Variants in DCC observed in about 807,000 individuals in gnomAD.
DCC encodes the protein DCC netrin 1 receptor.
In DCC, 58 loss-of-function variants were observed where a neutral mutation model predicts 172.5. That is an observed-to-expected ratio of 0.34 (90% CI 0.27 to 0.42). The LOEUF is 0.42. Ranked by LOEUF, DCC falls within the 10% of genes least tolerant of loss-of-function variation. The pLI is 1.00. For synonymous variants in DCC, 709 were observed against 644.5 expected (o/e 1.10, Z -1.52); for missense variants, 1,740 against 1,791.0 (o/e 0.97, Z 0.51).
intron 1 of DCC, among the ~76,000 whole-genome samples, chr18:52,342,389 G>C (rs1327119000): frequency 1.5e-5 from 2 of 130,196 alleles, no homozygotes; most frequent in East Asian, 5.1e-4. Flanking sequence ...CTCCCGGGCC[G>C]GTCCCCTCCT....
chr18:52,493,423 T>C (rs192301421), intron 1 of DCC, among the ~76,000 whole-genome samples: 36 of 152,212 alleles, frequency 2.4e-4, no homozygotes, highest in Admixed American at 2.2e-3. Context: ...TTCTCTTTTC[T>C]AGATTGGCTT....
chr18:53,242,183 G>A (rs189099762), intron 12 of DCC, among the ~76,000 whole-genome samples: 112 of 152,252 alleles, frequency 7.4e-4, no homozygotes, highest in African/African-American at 2.6e-3. Flanking sequence ...GGAAACTACA[G>A]CAGCTGCAAA....
At chr18:52,352,267 A>G (rs2144247213) in intron 1 of DCC, among the ~76,000 whole-genome samples, 1 of 152,366 alleles carries the variant, frequency 6.6e-6, no homozygotes, top group East Asian at 1.9e-4. Context: ...TTACAAATAG[A>G]AAATTTCACA....
intron 1 of DCC, among the ~76,000 whole-genome samples, chr18:52,639,482 A>G (rs1422267819): frequency 6.6e-6 from 1 of 152,168 alleles, no homozygotes; most frequent in Non-Finnish European, 1.5e-5. Context: ...GAGATATTAC[A>G]ACTGACAGCA....
intron 9 of DCC, among the ~76,000 whole-genome samples, chr18:53,182,677 A>G (rs1340335626): frequency 2.0e-5 from 3 of 152,144 alleles, no homozygotes; most frequent in Middle Eastern, 3.2e-3. Flanking sequence ...CATTTTGGCA[A>G]TTTGAAAGTA....
intron 5 of DCC, among the ~76,000 whole-genome samples, chr18:52,931,635 TAAAAA>T (rs1285138217): frequency 6.6e-6 from 1 of 152,120 alleles, no homozygotes; most frequent in Non-Finnish European, 1.5e-5. Flanking sequence ...TCTTATAAAA[TAAAAA>T]TGGAAAATTC....
At chr18:53,114,200 T>C (rs1236579237) in intron 7 of DCC, among the ~76,000 whole-genome samples, 2 of 151,554 alleles carry the variant, frequency 1.3e-5, no homozygotes, top group African/African-American at 2.4e-5. Flanking sequence ...AGCATTTGTA[T>C]TGAATCCTGG....
Position 52,765,199 on chromosome 18 carries a change from A to ATTTTTTTTTTTT in DCC, c.412+12825_412+12826insTTTTTTTTTTTT, listed in dbSNP as rs369735420. ...CAGGCATGTGCTAGCACTCCTGGCT[A>ATTTTTTTTTTTT]ATTTTTTTTTTTTTTTTTTGTATTT... On this transcript the variant is annotated intron_variant, in intron 2 of 28. Transcript: ENST00000442544. Among the ~76,000 whole-genome samples the ATTTTTTTTTTTT allele has an allele frequency of 3.0e-4, 36 of 120,104 alleles. 2 individuals carry two copies. The highest frequency in any genetic ancestry group is 8.0e-4 in the South Asian group (3 of 3,762). 78.8% of individuals were successfully genotyped at this position (120,104 alleles called of 152,430 possible).
At chr18:53,053,659 T>C (rs2042364230) in intron 5 of DCC, among the ~76,000 whole-genome samples, 1 of 152,174 alleles carries the variant, frequency 6.6e-6, no homozygotes, top group Admixed American at 6.6e-5. Flanking sequence ...GCCACATCTT[T>C]TCCTCTCAAA....
intron 9 of DCC, 64 bp downstream of exon 9, chr18:53,179,180 A>T (rs2055156020): frequency 6.7e-7 from 1 of 1,482,908 alleles, no homozygotes. Context: ...ATATCCTTGA[A>T]TTCTTTCACA....
chr18:53,517,443 T>TAATAATA, intron 27 of DCC, among the ~76,000 whole-genome samples: 1 of 142,502 alleles, frequency 7.0e-6, no homozygotes, highest in East Asian at 2.0e-4. Flanking sequence ...AAACTTAAAA[T>TAATAATA]ATAATAATAA....
At chr18:53,054,254 T>G (rs998380989) in intron 5 of DCC, among the ~76,000 whole-genome samples, 3 of 151,886 alleles carry the variant, frequency 2.0e-5, no homozygotes, top group Admixed American at 1.3e-4. Context: ...AATCCTTGAC[T>G]GTAGAACCCA....
chr18:52,353,078 A>G (rs1984197440), intron 1 of DCC, among the ~76,000 whole-genome samples: 1 of 152,212 alleles, frequency 6.6e-6, no homozygotes, highest in Non-Finnish European at 1.5e-5. Context: ...CTTAGCTTGA[A>G]GCATCTGTTG....
intron 2 of DCC, among the ~76,000 whole-genome samples, chr18:52,866,456 A>T (rs1034432738): frequency 1.6e-4 from 24 of 152,236 alleles, no homozygotes; most frequent in African/African-American, 5.3e-4. Flanking sequence ...TGGGGACAGC[A>T]TTGAATCTAT....
intron 13 of DCC, among the ~76,000 whole-genome samples, chr18:53,312,771 T>G (rs2057290407): frequency 8.0e-6 from 1 of 125,088 alleles, no homozygotes; most frequent in African/African-American, 3.2e-5. Flanking sequence ...ATTGTGCCAC[T>G]GCAGTCCAGC....
chr18:52,474,302 C>T (rs77567232), intron 1 of DCC, among the ~76,000 whole-genome samples: 2,381 of 150,246 alleles, frequency 0.016, 28 homozygotes, highest in Non-Finnish European at 0.023. Flanking sequence ...GAGGGGAAGT[C>T]GGGGGAGTAG....
chr18:53,420,562 C>G (rs987476570), intron 21 of DCC, among the ~76,000 whole-genome samples: 1 of 152,150 alleles, frequency 6.6e-6, no homozygotes, highest in African/African-American at 2.4e-5. Flanking sequence ...TGGTCAGTTT[C>G]TGGTGAGGGT....
chr18:52,925,502 T>C (rs1458938400), intron 5 of DCC, 132 bp downstream of exon 5: 1 of 893,868 alleles, frequency 1.1e-6, no homozygotes, highest in African/African-American at 1.6e-5. Flanking sequence ...ACTCCACACA[T>C]GTCCTTGCTT....
In DCC at chr18:52,681,084, A is replaced by T. The variant is rs200596728; in HGVS notation, c.92-70970A>T. 1.8e-4 allele frequency among the ~76,000 whole-genome samples: 27 copies of T among 152,092 alleles called. No individual in the cohort carries two copies. In the East Asian group the frequency reaches 4.5e-3, roughly 25 times the overall value. On this transcript the variant is annotated intron_variant, in intron 1 of 28. Coordinates refer to ENST00000442544, the MANE Select transcript of DCC (RefSeq NM_005215.4). ...TATCAGACTTTATGTTATCCCTTCA[A>T]TTTATACTATCACATTTTAATTCTA...
Sources: allele counts gnomAD v4.1 joint callset (sites outside exome capture counted in the v4.1 genomes callset), GRCh38; gene constraint gnomAD v4.1.1; transcripts MANE v1.5; gene names NCBI Gene and HGNC (gene_info 2026-07-23, HGNC 2026-07-21).